LMNTD1: variants seen among roughly 807,000 people sequenced by gnomAD.
The protein encoded by LMNTD1 is lamin tail domain-containing protein 1.
Under a neutral mutation model 50.9 loss-of-function variants are expected in LMNTD1, and 35 were observed. The observed-to-expected ratio is 0.69, with a 90% CI of 0.53 to 0.91. The LOEUF (loss-of-function observed/expected upper bound fraction) is 0.91, where lower values mean the gene tolerates loss of function less well. LMNTD1 is among the 40% of genes least tolerant of loss of function. The probability of loss-of-function intolerance (pLI) is 0.00; values close to 1 mark genes in which losing one functional copy is unlikely to be tolerated. For missense variants in LMNTD1, 470 were observed against 475.5 expected (o/e 0.99, Z 0.11); for synonymous variants, 153 against 161.9 (o/e 0.94, Z 0.42).
chr12:25,633,798 C>A (rs1946767296), intron 1 of LMNTD1, among the ~76,000 whole-genome samples: 1 of 151,914 alleles, frequency 6.6e-6, no homozygotes, highest in Non-Finnish European at 1.5e-5. Context: ...AAACCCAAAC[C>A]CAGCAGAAGA....
intron 8 of LMNTD1, among the ~76,000 whole-genome samples, chr12:25,516,364 A>G (rs538792269): frequency 6.6e-6 from 1 of 152,346 alleles, no homozygotes; most frequent in East Asian, 1.9e-4. Context: ...TGAATAATCA[A>G]GATAAGTTGC....
chr12:25,555,750 G>A (rs146151470), upstream of LMNTD1, among the ~76,000 whole-genome samples: 67 of 152,180 alleles, frequency 4.4e-4, no homozygotes, highest in Middle Eastern at 3.4e-3. Context: ...TATTAAAGCT[G>A]AGTAATAGTT....
intron 9 of LMNTD1, among the ~76,000 whole-genome samples, chr12:25,483,956 T>C (rs1938527079): frequency 6.6e-6 from 1 of 151,940 alleles, no homozygotes; most frequent in South Asian, 2.1e-4. Flanking sequence ...GACTAACCTT[T>C]CTTGGTTATG....
chr12:25,582,400 T>C (rs929412753), intron 1 of LMNTD1: 5 of 152,236 alleles, frequency 3.3e-5, no homozygotes, highest in African/African-American at 1.2e-4. Flanking sequence ...ATCGGTAAAT[T>C]GCATACAAAT....
intron 9 of LMNTD1, among the ~76,000 whole-genome samples, chr12:25,487,174 A>G (rs1390264472): frequency 7.2e-6 from 1 of 138,206 alleles, no homozygotes; most frequent in Non-Finnish European, 1.5e-5. Context: ...GCTGAGTTCA[A>G]TTCCTGGGTA....
chr12:25,561,880 A>G (rs2136307010), intron 1 of LMNTD1, among the ~76,000 whole-genome samples: 1 of 152,232 alleles, frequency 6.6e-6, no homozygotes, highest in East Asian at 1.9e-4. Context: ...TGATCCCATT[A>G]CCATTATGTA....
In LMNTD1 at chr12:25,478,778, C is replaced by T. The variant is rs369943835; in HGVS notation, c.*23-2318G>A. On this transcript the variant is annotated intron_variant, in intron 9 of 9. Coordinates refer to ENST00000458174, the MANE Select transcript of LMNTD1 (RefSeq NM_001145728.2). ...TCCAGTCTGGGCAACAAGAGCGAAA[C>T]TCTGTCTCAAGAAAAAAAAAGCTGG... Among the ~76,000 whole-genome samples the T allele has an allele frequency of 1.8e-4, 27 of 152,234 alleles. 1 individual carries two copies. The highest frequency in any genetic ancestry group is 4.6e-4 in the African/African-American group (19 of 41,532).
intron 9 of LMNTD1, among the ~76,000 whole-genome samples, chr12:25,501,877 A>G (rs1939408944): frequency 6.6e-6 from 1 of 152,196 alleles, no homozygotes; most frequent in Non-Finnish European, 1.5e-5. Context: ...GTTAAACTGA[A>G]TAAGTAAAAT....
chr12:25,576,404 C>G (rs1945021237), intron 1 of LMNTD1, among the ~76,000 whole-genome samples: 1 of 152,166 alleles, frequency 6.6e-6, no homozygotes, highest in Non-Finnish European at 1.5e-5. Context: ...GAGATGGTAT[C>G]TCATTGTGGT....
chr12:25,523,374 C>A (rs1225123392), intron 6 of LMNTD1, among the ~76,000 whole-genome samples: 1 of 152,162 alleles, frequency 6.6e-6, no homozygotes, highest in Non-Finnish European at 1.5e-5. Context: ...CTTCTCTTTG[C>A]CCCATCTTAC....
chr12:25,625,659 CTCA>C (rs1352919887), intron 1 of LMNTD1, among the ~76,000 whole-genome samples: 1 of 152,206 alleles, frequency 6.6e-6, no homozygotes, highest in African/African-American at 2.4e-5. Flanking sequence ...CGGCTTACTA[CTCA>C]TCTTTCTGTC....
intron 9 of LMNTD1, among the ~76,000 whole-genome samples, chr12:25,495,318 G>T (rs977973521): frequency 6.8e-6 from 1 of 148,114 alleles, no homozygotes; most frequent in African/African-American, 2.5e-5. Context: ...TCTATTTGGG[G>T]GTATAAAGCA....
intron 1 of LMNTD1, among the ~76,000 whole-genome samples, chr12:25,575,020 G>A (rs149293483): frequency 1.1e-4 from 17 of 152,326 alleles, no homozygotes; most frequent in East Asian, 7.7e-4. Context: ...TGAAGAAGGC[G>A]TTGCTGCTGC....
chr12:25,509,876 G>C (rs1940123982), intron 8 of LMNTD1, among the ~76,000 whole-genome samples: 1 of 152,184 alleles, frequency 6.6e-6, no homozygotes, highest in Middle Eastern at 3.2e-3. Context: ...TGCAAGGAAA[G>C]ATAATTTTCT....
At chr12:25,617,861 A>T (rs1348496975) in intron 1 of LMNTD1, among the ~76,000 whole-genome samples, 1 of 152,234 alleles carries the variant, frequency 6.6e-6, no homozygotes, top group African/African-American at 2.4e-5. Context: ...TTTGCAGAGC[A>T]GGTGAAATCT....
At chr12:25,546,313 C>T (rs1943423571) in intron 4 of LMNTD1, 61 bp downstream of exon 4, 3 of 1,034,660 alleles carry the variant, frequency 2.9e-6, no homozygotes, top group Non-Finnish European at 4.0e-6. Context: ...ACTTTGTTTT[C>T]TGCTGATTTA....
intron 1 of LMNTD1, among the ~76,000 whole-genome samples, chr12:25,621,303 C>T (rs1946468983): frequency 6.6e-6 from 1 of 152,152 alleles, no homozygotes; most frequent in African/African-American, 2.4e-5. Context: ...TGGCTCACTG[C>T]AACCATGAAC....
intron 4 of LMNTD1, among the ~76,000 whole-genome samples, chr12:25,536,852 G>T (rs1032457172): frequency 2.6e-5 from 4 of 152,256 alleles, no homozygotes; most frequent in African/African-American, 9.6e-5. Flanking sequence ...GACAGTGGGC[G>T]CAGGTCAGTG....
intron 8 of LMNTD1, among the ~76,000 whole-genome samples, chr12:25,506,697 C>G (rs1939810890): frequency 6.6e-6 from 1 of 150,560 alleles, no homozygotes; most frequent in African/African-American, 2.5e-5. Context: ...TGCCTTTGTG[C>G]TCTAACAGCT....
Sources: gnomAD v4.1 joint callset for allele counts (sites outside exome capture counted in the v4.1 genomes callset) on GRCh38, gnomAD v4.1.1 for gene constraint, MANE v1.5 for transcripts, NCBI Gene and HGNC (gene_info 2026-07-23, HGNC 2026-07-21) for gene names.